DLGAP2: variants seen among roughly 807,000 people sequenced by gnomAD.
DLGAP2 encodes the protein disks large-associated protein 2.
DLGAP2 carries 26 observed loss-of-function variants against 100.3 expected under a neutral mutation model. That is an observed-to-expected ratio of 0.26 (90% CI 0.19 to 0.36). The LOEUF is 0.36. Among genes scored for constraint, DLGAP2 ranks in the 10% least tolerant of loss-of-function variants. The pLI is 1.00. For synonymous variants in DLGAP2, 886 were observed against 630.1 expected (o/e 1.41, Z -6.08); for missense variants, 1,858 against 1,453.2 (o/e 1.28, Z -4.53).
At chr8:1,545,471 A>C (rs1172718647) in intron 4 of DLGAP2, among the ~76,000 whole-genome samples, 1 of 152,290 alleles carries the variant, frequency 6.6e-6, no homozygotes, top group South Asian at 2.1e-4. Context: ...GTTTTCTCTC[A>C]ATGACAAAAA....
In DLGAP2 at chr8:1,187,348, G is replaced by A. The variant is rs373669096; in HGVS notation, c.74-71503G>A. Reference sequence around the variant, plus strand: ...CTCACACGCCCAGGACCTCTGTGACGTTTCCCTCACGGAATCTCACACGCC... The same window carrying A: ...CTCACACGCCCAGGACCTCTGTGACATTTCCCTCACGGAATCTCACACGCC... On this transcript the variant is annotated intron_variant, in intron 2 of 14. Transcript: ENST00000637795. Among the ~76,000 whole-genome samples the A allele has an allele frequency of 1.9e-3, 264 of 141,460 alleles. 1 individual carries two copies. The South Asian group carries it at 0.023, about 12-fold the overall frequency. The allele number at this position is 141,460 out of a possible 152,430, so 92.8% of individuals were successfully genotyped here. A position where few individuals can be genotyped will look rare whatever the true frequency, so the allele number is the denominator to read the frequency against.
chr8:1,649,716 G>A (rs749478773), intron 8 of DLGAP2, among the ~76,000 whole-genome samples: 2 of 152,154 alleles, frequency 1.3e-5, no homozygotes, highest in Non-Finnish European at 2.9e-5. Flanking sequence ...AATTATATTG[G>A]ATTTATTTCA....
chr8:1,178,363 G>A (rs964388652), intron 2 of DLGAP2, among the ~76,000 whole-genome samples: 3 of 152,174 alleles, frequency 2.0e-5, no homozygotes, highest in African/African-American at 7.2e-5. Context: ...GGCGGCAGCA[G>A]TGGCGGTGGC....
intron 2 of DLGAP2, among the ~76,000 whole-genome samples, chr8:949,596 G>T (rs1317525987): frequency 6.6e-6 from 1 of 152,210 alleles, no homozygotes; most frequent in African/African-American, 2.4e-5. Context: ...GTGCTCCCCA[G>T]GACGGGCCTC....
At chr8:1,445,807 C>T (rs1484650078) in intron 3 of DLGAP2, among the ~76,000 whole-genome samples, 5 of 152,102 alleles carry the variant, frequency 3.3e-5, no homozygotes, top group African/African-American at 7.2e-5. Context: ...TGGTATCTCA[C>T]TGTGGTTTTG....
At chr8:964,097 T>C (rs185213480) in intron 2 of DLGAP2, among the ~76,000 whole-genome samples, 1 of 152,250 alleles carries the variant, frequency 6.6e-6, no homozygotes, top group African/African-American at 2.4e-5. Flanking sequence ...CAAATTCAAG[T>C]CTTATGTAAA....
At chr8:1,667,227 T>C (rs537040704) in intron 8 of DLGAP2, among the ~76,000 whole-genome samples, 2 of 152,344 alleles carry the variant, frequency 1.3e-5, no homozygotes, top group East Asian at 3.9e-4. Flanking sequence ...GAGTTCATCC[T>C]CTCTATAAAA....
At chr8:1,572,730 G>C (rs1263103671) in intron 6 of DLGAP2, among the ~76,000 whole-genome samples, 1 of 105,928 alleles carries the variant, frequency 9.4e-6, no homozygotes, top group African/African-American at 3.8e-5. Context: ...GAGGAGAGAG[G>C]GTGAACTGTG....
intron 2 of DLGAP2, among the ~76,000 whole-genome samples, chr8:977,780 G>A (rs1313054936): frequency 7.5e-6 from 1 of 132,618 alleles, no homozygotes; most frequent in Non-Finnish European, 1.7e-5. Context: ...TGTGGGGAGG[G>A]CGTCGGGGAT....
At chr8:1,650,836 A>G (rs1000854213) in intron 8 of DLGAP2, among the ~76,000 whole-genome samples, 20 of 147,398 alleles carry the variant, frequency 1.4e-4, no homozygotes, top group African/African-American at 5.0e-4. Flanking sequence ...TTGCTGGAGC[A>G]GAGATGGGAG....
chr8:1,697,780 T>C (rs1452862957), intron 14 of DLGAP2, among the ~76,000 whole-genome samples: 1 of 152,308 alleles, frequency 6.6e-6, no homozygotes, highest in African/African-American at 2.4e-5. Flanking sequence ...TTATACCTTA[T>C]TGAACCGTTT....
chr8:1,047,629 C>G (rs929500031), intron 2 of DLGAP2, among the ~76,000 whole-genome samples: 11 of 151,996 alleles, frequency 7.2e-5, no homozygotes, highest in Admixed American at 2.6e-4. Context: ...GGGTCAGTGT[C>G]CAGCGACAGC....
intron 2 of DLGAP2, among the ~76,000 whole-genome samples, chr8:1,098,394 G>A (rs978239224): frequency 1.3e-5 from 2 of 152,214 alleles, no homozygotes; most frequent in Admixed American, 1.3e-4. Flanking sequence ...AGGGACACCC[G>A]ACGTGTGACT....
intron 3 of DLGAP2, among the ~76,000 whole-genome samples, chr8:1,354,455 G>A (rs1801803176): frequency 1.3e-5 from 2 of 152,240 alleles, no homozygotes; most frequent in Admixed American, 6.5e-5. Context: ...ACAGGTTACA[G>A]TGAGCTGATA....
chr8:890,273 A>T (rs1235409386), intron 1 of DLGAP2, among the ~76,000 whole-genome samples: 2 of 152,140 alleles, frequency 1.3e-5, no homozygotes, highest in Non-Finnish European at 2.9e-5. Flanking sequence ...TGAGCCATGC[A>T]CGTGCACGCG....
chr8:876,730 G>A (rs1797692503), intron 1 of DLGAP2, among the ~76,000 whole-genome samples: 1 of 152,044 alleles, frequency 6.6e-6, no homozygotes, highest in African/African-American at 2.4e-5. Flanking sequence ...CTTTTTTGCT[G>A]CTTTCTCTTA....
At chr8:1,475,900 T>C (rs926957835) in intron 3 of DLGAP2, among the ~76,000 whole-genome samples, 4 of 152,198 alleles carry the variant, frequency 2.6e-5, no homozygotes, top group African/African-American at 9.6e-5. Context: ...ATCTTAGAAG[T>C]AGCTCTTCTA....
intron 2 of DLGAP2, among the ~76,000 whole-genome samples, chr8:1,045,071 C>A (rs1185307552): frequency 6.6e-6 from 1 of 152,214 alleles, no homozygotes; most frequent in Non-Finnish European, 1.5e-5. Flanking sequence ...TTTCTTCTTT[C>A]CGGAGACAGC....
chr8:1,379,973 T>G (rs2129758085), intron 3 of DLGAP2, among the ~76,000 whole-genome samples: 1 of 150,820 alleles, frequency 6.6e-6, no homozygotes, highest in South Asian at 2.1e-4. Context: ...CCTGCTCTTT[T>G]GGGGGTGCTC....
Sources: allele counts gnomAD v4.1 joint callset (sites outside exome capture counted in the v4.1 genomes callset), GRCh38; gene constraint gnomAD v4.1.1; transcripts MANE v1.5; gene names NCBI Gene and HGNC (gene_info 2026-07-23, HGNC 2026-07-21).